DNAI4: variants seen among roughly 807,000 people sequenced by gnomAD.
DNAI4 encodes the protein dynein axonemal intermediate chain 4, also known as WD repeat domain 78.
Under a neutral mutation model 105.8 loss-of-function variants are expected in DNAI4, and 85 were observed. That is an observed-to-expected ratio of 0.80 (90% CI 0.67 to 0.96). The LOEUF (loss-of-function observed/expected upper bound fraction) is 0.96. DNAI4 is among the 40% of genes least tolerant of loss of function. The probability of loss-of-function intolerance (pLI) is 0.00; values close to 1 mark genes in which losing one functional copy is unlikely to be tolerated. For missense variants in DNAI4, 1,014 were observed against 1,005.6 expected (o/e 1.01, Z -0.11); for synonymous variants, 352 against 331.5 (o/e 1.06, Z -0.67).
intron 2 of DNAI4, among the ~76,000 whole-genome samples, chr1:66,898,253 G>A (rs1033166151): frequency 1.3e-5 from 2 of 152,118 alleles, no homozygotes; most frequent in African/African-American, 4.8e-5. Flanking sequence ...GATTTCACAG[G>A]CTCACAGGTA....
chr1:66,826,538 T>A (rs1572597616), intron 15 of DNAI4, among the ~76,000 whole-genome samples: 1 of 152,138 alleles, frequency 6.6e-6, no homozygotes. Flanking sequence ...CCTCAAGTGA[T>A]CCTCCCGCCT....
intron 1 of DNAI4, chr1:66,919,108 C>T (rs1474948427): frequency 3.6e-5 from 16 of 444,850 alleles, no homozygotes; most frequent in South Asian, 2.5e-4. Flanking sequence ...ATTGATGTCT[C>T]ATGCCTCCCT....
At chr1:66,832,834 T>A (rs1645896541) in intron 13 of DNAI4, among the ~76,000 whole-genome samples, 3 of 152,110 alleles carry the variant, frequency 2.0e-5, no homozygotes, top group Non-Finnish European at 4.4e-5. Flanking sequence ...AAAAACAAAG[T>A]ATCTCCAGAT....
intron 1 of DNAI4, among the ~76,000 whole-genome samples, chr1:66,920,502 C>G (rs890071003): frequency 6.6e-6 from 1 of 152,156 alleles, no homozygotes; most frequent in Non-Finnish European, 1.5e-5. Flanking sequence ...TATAACACCT[C>G]CTCTGGGGTT....
At chr1:66,823,931 A>G (rs1645690094) in intron 15 of DNAI4, among the ~76,000 whole-genome samples, 1 of 149,850 alleles carries the variant, frequency 6.7e-6, no homozygotes, top group Non-Finnish European at 1.5e-5. Flanking sequence ...CCATTTGTCA[A>G]TTTTGTCTTT....
chr1:66,866,411 T>C (rs1437835907), intron 6 of DNAI4, among the ~76,000 whole-genome samples: 1 of 152,170 alleles, frequency 6.6e-6, no homozygotes, highest in Non-Finnish European at 1.5e-5. Flanking sequence ...AAAGAGATTG[T>C]ATAATGTTAG....
At position 66,813,172 on chromosome 1, in the gene DNAI4, A is replaced by G. The variant is rs533911636; in HGVS notation, c.*958T>C. 2.6e-5 allele frequency: 4 copies of G among 152,310 alleles called. No individual in the cohort carries two copies. The East Asian group carries it at 5.6e-4, about 21-fold the overall frequency. The allele number at this position is 152,310 out of a possible 1,614,324, so 9.4% of individuals were successfully genotyped here. On this transcript the variant is annotated 3_prime_UTR_variant, in exon 17 of 17. Transcript: ENST00000371026. The stretch of plus-strand genomic sequence containing the variant: ...TTTAATATATACATATTTTTTTTCC[A>G]GAGAGTTTAGTGAATTTCATATGCC...
In DNAI4 at chr1:66,814,173, A is replaced by G. The variant is rs151242450; in HGVS notation, c.2504T>C (p.Ile835Thr). Residue 835 changes from isoleucine (I) to threonine (T), a missense_variant, in exon 17 of 17, where the codon ATA becomes ACA. Transcript: ENST00000371026. ...CTTGGATCCAAGCAAAGTATCCATT[A>G]TATCTCCCTGAAAAAAAAAAGTCAC... ...PTVLETGRGD[I>T]MDTLLGSKSN... The G allele has an allele frequency of 1.8e-5, 29 of 1,590,876 alleles. No homozygotes were observed. Among genetic ancestry groups the G allele is most frequent in the Non-Finnish European group, 2.1e-5 (25 of 1,176,682 alleles).
At chr1:66,832,390 G>T (rs1557903174) in intron 13 of DNAI4, among the ~76,000 whole-genome samples, 1 of 152,050 alleles carries the variant, frequency 6.6e-6, no homozygotes, top group Non-Finnish European at 1.5e-5. Context: ...CCAAAGAGAT[G>T]ATCATATTAC....
At chr1:66,851,308 CA>C (rs890879568) in intron 7 of DNAI4, among the ~76,000 whole-genome samples, 1 of 149,886 alleles carries the variant, frequency 6.7e-6, no homozygotes, top group African/African-American at 2.5e-5. Context: ...AATGTTTATG[CA>C]AAAAAACAAG....
intron 4 of DNAI4, among the ~76,000 whole-genome samples, chr1:66,882,145 T>C (rs1317794996): frequency 6.6e-6 from 1 of 152,144 alleles, no homozygotes; most frequent in African/African-American, 2.4e-5. Flanking sequence ...ATCAGCAGGG[T>C]GAAAACAGAG....
At chr1:66,881,175 C>T (rs1647062227) in intron 4 of DNAI4, among the ~76,000 whole-genome samples, 1 of 152,258 alleles carries the variant, frequency 6.6e-6, no homozygotes, top group African/African-American at 2.4e-5. Flanking sequence ...CATGGAGAAG[C>T]TCTGCTAGGG....
intron 11 of DNAI4, among the ~76,000 whole-genome samples, chr1:66,835,312 G>A (rs1176340995): frequency 6.6e-6 from 1 of 152,150 alleles, no homozygotes; most frequent in African/African-American, 2.4e-5. Flanking sequence ...ATAAAGGTAT[G>A]TATAGGTTGC....
chr1:66,918,641 C>T (rs893703698), intron 1 of DNAI4, among the ~76,000 whole-genome samples: 2 of 152,092 alleles, frequency 1.3e-5, no homozygotes, highest in East Asian at 3.9e-4. Context: ...CCCTTCCTCC[C>T]GTTTCCTCTT....
At chr1:66,836,286 A>T (rs1321977153) in intron 10 of DNAI4, among the ~76,000 whole-genome samples, 2 of 149,486 alleles carry the variant, frequency 1.3e-5, no homozygotes, top group African/African-American at 2.5e-5. Context: ...GAAAGAAAGA[A>T]AGAAAGAAAG....
intron 3 of DNAI4, among the ~76,000 whole-genome samples, chr1:66,892,987 AAGAAAGAAAGAGAGAAAGAGAG>A (rs1342806195): frequency 8.1e-4 from 98 of 120,792 alleles, no homozygotes; most frequent in African/African-American, 1.5e-3. Flanking sequence ...GAAAGAAAGA[AAGAAAGAAAGAGAGAAAGAGAG>A]AGAGGAAAGA....
At chr1:66,916,083 T>TAAAAAA (rs34693536) in intron 1 of DNAI4, among the ~76,000 whole-genome samples, 2 of 117,490 alleles carry the variant, frequency 1.7e-5, no homozygotes, top group Non-Finnish European at 1.7e-5. Context: ...AGACTCTGTC[T>TAAAAAA]AAAAAAAAAA....
chr1:66,875,417 C>T (rs1166776908), intron 4 of DNAI4, among the ~76,000 whole-genome samples: 2 of 152,144 alleles, frequency 1.3e-5, no homozygotes, highest in African/African-American at 4.8e-5. Flanking sequence ...TAATCATCTT[C>T]ACCAGGGGTA....
rs575747307 is a variant in DNAI4 at position 66,842,121 on chromosome 1, T to C, written c.1292-1450A>G. The stretch of plus-strand genomic sequence containing the variant: ...CAAATTGGCTTCATTTGCAGAGTAA[T>C]AGGCATTCAAATTTCCTCCAGGTCT... On this transcript the variant is annotated intron_variant, in intron 8 of 16. Transcript: ENST00000371026. 5.9e-5 allele frequency among the ~76,000 whole-genome samples: 9 copies of C among 152,304 alleles called. No homozygotes were observed. The East Asian group carries it at 9.6e-4, about 16-fold the overall frequency.
Sources: gnomAD v4.1 joint callset for allele counts (sites outside exome capture counted in the v4.1 genomes callset) on GRCh38, gnomAD v4.1.1 for gene constraint, MANE v1.5 for transcripts, NCBI Gene and HGNC (gene_info 2026-07-23, HGNC 2026-07-21) for gene names.